The following SHLD1 variants were observed in gnomAD, a reference collection of about 807,000 sequenced individuals.
SHLD1 encodes RINN1-REV7-interacting novel NHEJ regulator 3.
In SHLD1, 3 loss-of-function variants were observed where a neutral mutation model predicts 5.5. The ratio of observed to expected loss-of-function variants is 0.54; its 90% CI spans 0.25 to 1.40. The LOEUF (loss-of-function observed/expected upper bound fraction) is 1.40, where lower values mean the gene tolerates loss of function less well. Among genes scored for constraint, SHLD1 ranks in the 40% most tolerant of loss-of-function variants. The probability of loss-of-function intolerance (pLI) is 0.15; values close to 1 mark genes in which losing one functional copy is unlikely to be tolerated. For synonymous variants in SHLD1, 92 were observed against 94.3 expected, an observed-to-expected ratio of 0.98 and a Z score of 0.14; for missense variants, 210 against 244.4, an observed-to-expected ratio of 0.86 and a Z score of 0.94.
At chr20:5,808,720 TA>T (rs2087417576) in intron 2 of SHLD1, among the ~76,000 whole-genome samples, 1 of 152,258 alleles carries the variant, frequency 6.6e-6, no homozygotes, top group South Asian at 2.1e-4. Flanking sequence ...GGTGAATGAA[TA>T]TTCTCATTCA....
intron 2 of SHLD1, among the ~76,000 whole-genome samples, chr20:5,860,739 C>T (rs1037680750): frequency 3.9e-5 from 6 of 151,958 alleles, no homozygotes; most frequent in Admixed American, 1.3e-4. Flanking sequence ...GCCATCAGAA[C>T]AAGAAAGAGA....
chr20:5,764,139 A>AAT (rs1555768310), intron 1 of SHLD1, among the ~76,000 whole-genome samples: 1 of 95,728 alleles, frequency 1.0e-5, no homozygotes, highest in East Asian at 2.7e-4. Flanking sequence ...AAAAAAAAAA[A>AAT]ATATATATAT....
chr20:5,780,104 TA>T (rs1324720809), intron 2 of SHLD1, among the ~76,000 whole-genome samples: 1 of 146,332 alleles, frequency 6.8e-6, no homozygotes, highest in African/African-American at 2.5e-5. Context: ...TCAGCCTCCC[TA>T]GTAGCTGGGA....
At chr20:5,801,416 A>G (rs78350512) in intron 2 of SHLD1, among the ~76,000 whole-genome samples, 156 of 152,290 alleles carry the variant, frequency 1.0e-3, no homozygotes, top group African/African-American at 3.6e-3. Context: ...TACAGAGGCA[A>G]AAAGAGAACT....
intron 2 of SHLD1, among the ~76,000 whole-genome samples, chr20:5,852,554 A>G (rs1453475797): frequency 6.6e-6 from 1 of 152,130 alleles, no homozygotes; most frequent in African/African-American, 2.4e-5. Context: ...GGTTCAAGAC[A>G]GTCTCCTGCC....
Position 5,772,943 on chromosome 20 carries a change from A to T in SHLD1, c.78A>T (p.Ile26=). The T allele has an allele frequency of 6.2e-7, 1 of 1,614,146 alleles. No individual in the cohort carries two copies. Among genetic ancestry groups the T allele is most frequent in the Non-Finnish European group, 8.5e-7 (1 of 1,180,014 alleles). Residue 26 remains isoleucine (I), a synonymous_variant, in exon 2 of 3, where the codon ATA becomes ATT. Transcript: ENST00000303142. ...SALDLPSACD[I]RDYVLQGPSQ... is the part of the protein sequence containing the mutation. Reference sequence around the variant, plus strand: ...TGGACCTGCCATCAGCGTGTGACATAAGAGATTACGTCCTGCAGGGACCCA... The same window carrying T: ...TGGACCTGCCATCAGCGTGTGACATTAGAGATTACGTCCTGCAGGGACCCA...
chr20:5,824,618 GTTGT>G (rs1478517160), intron 2 of SHLD1, among the ~76,000 whole-genome samples: 8 of 138,290 alleles, frequency 5.8e-5, no homozygotes, highest in Non-Finnish European at 9.3e-5. Context: ...TGTTTTTGTT[GTTGT>G]TTGTTTTTTT....
intron 2 of SHLD1, among the ~76,000 whole-genome samples, chr20:5,832,752 T>G (rs939942889): frequency 6.6e-6 from 1 of 151,610 alleles, no homozygotes; most frequent in Admixed American, 6.6e-5. Flanking sequence ...ACAAACCTGC[T>G]CAGCCTGCAT....
At chr20:5,755,568 T>C (rs983057154) in intron 1 of SHLD1, among the ~76,000 whole-genome samples, 4 of 151,914 alleles carry the variant, frequency 2.6e-5, no homozygotes, top group Admixed American at 6.6e-5. Context: ...TCTTTTTCTT[T>C]TTTTTTTTGA....
chr20:5,799,467 A>AT lies in SHLD1; in HGVS notation c.178+26450dup, dbSNP rs548170853. Among the ~76,000 whole-genome samples the AT allele has an allele frequency of 1.5e-3, 147 of 98,496 alleles. 1 individual carries two copies. The highest frequency in any genetic ancestry group is 2.6e-3 in the African/African-American group (62 of 23,848). The allele number at this position is 98,496 out of a possible 152,430, so 64.6% of individuals were successfully genotyped here. ...AGACATGCACCACCATGCCTGGCTAATTTTTTTTTTTTTTTTTTTTTTTTT... is the reference window on the plus strand; with the variant it reads ...AGACATGCACCACCATGCCTGGCTAATTTTTTTTTTTTTTTTTTTTTTTTTT... On this transcript the variant is annotated intron_variant, in intron 2 of 2. Coordinates refer to ENST00000303142, the MANE Select transcript of SHLD1 (RefSeq NM_152504.4).
intron 2 of SHLD1, among the ~76,000 whole-genome samples, chr20:5,848,925 A>G (rs574441035): frequency 6.6e-6 from 1 of 152,274 alleles, no homozygotes; most frequent in African/African-American, 2.4e-5. Context: ...TCCAGTTTGA[A>G]CTTTCAGATA....
intron 2 of SHLD1, among the ~76,000 whole-genome samples, chr20:5,776,805 C>T (rs1301630602): frequency 2.6e-5 from 4 of 151,838 alleles, no homozygotes; most frequent in Non-Finnish European, 5.9e-5. Context: ...AAAAAAAAAG[C>T]ATTCACATTG....
chr20:5,839,526 TGATAGATAGAC>T (rs1568526812), intron 2 of SHLD1, among the ~76,000 whole-genome samples: 2 of 120,320 alleles, frequency 1.7e-5, no homozygotes, highest in Admixed American at 8.8e-5. Context: ...GATAGATAGA[TGATAGATAGAC>T]AGATAGACAG....
chr20:5,819,934 GT>G (rs552215963), intron 2 of SHLD1, among the ~76,000 whole-genome samples: 14 of 149,416 alleles, frequency 9.4e-5, no homozygotes, highest in African/African-American at 1.5e-4. Flanking sequence ...ACTTGACAGT[GT>G]TTTTTTTTTG....
chr20:5,798,376 C>T (rs2087241549), intron 2 of SHLD1, among the ~76,000 whole-genome samples: 1 of 151,752 alleles, frequency 6.6e-6, no homozygotes, highest in Non-Finnish European at 1.5e-5. Context: ...GATCTCGGCT[C>T]ACTGCCAGCT....
At chr20:5,801,345 C>T (rs1024866346) in intron 2 of SHLD1, among the ~76,000 whole-genome samples, 6 of 152,076 alleles carry the variant, frequency 3.9e-5, no homozygotes, top group African/African-American at 1.2e-4. Context: ...CAAAGTGCTG[C>T]GATTATAGGC....
intron 1 of SHLD1, among the ~76,000 whole-genome samples, chr20:5,765,506 C>G (rs2122217021): frequency 6.6e-6 from 1 of 151,718 alleles, no homozygotes; most frequent in South Asian, 2.1e-4. Context: ...CCTCAGCCTC[C>G]CAAAGTGCTG....
Position 5,827,968 on chromosome 20 carries a change from C to T in SHLD1, c.179-35056C>T, listed in dbSNP as rs537528153. ...TACCTCCAAGTAGTTGAAATAAAAA[C>T]AAGTGCTCAAAAAATTAGTTGCATT... On this transcript the variant is annotated intron_variant, in intron 2 of 2. Transcript: ENST00000303142. 1.4e-4 allele frequency among the ~76,000 whole-genome samples: 21 copies of T among 152,318 alleles called. 1 individual carries two copies. The Middle Eastern group carries it at 0.01, about 74-fold the overall frequency.
At chr20:5,850,801 C>T (rs1391468161) in intron 2 of SHLD1, among the ~76,000 whole-genome samples, 3 of 152,194 alleles carry the variant, frequency 2.0e-5, no homozygotes, top group Non-Finnish European at 4.4e-5. Context: ...TGAGCCAACG[C>T]ACCTGGCGCC....
Sources: allele counts gnomAD v4.1 joint callset (sites outside exome capture counted in the v4.1 genomes callset), GRCh38; gene constraint gnomAD v4.1.1; transcripts MANE v1.5; gene names NCBI Gene and HGNC (gene_info 2026-07-23, HGNC 2026-07-21).